FZD3: variants seen among roughly 807,000 people sequenced by gnomAD.
FZD3 encodes frizzled-3.
In FZD3, 30 loss-of-function variants were observed where a neutral mutation model predicts 60.7. That is an observed-to-expected ratio of 0.49 (90% CI 0.37 to 0.67). The LOEUF (loss-of-function observed/expected upper bound fraction) is 0.67. Ranked by LOEUF, FZD3 falls within the 30% of genes least tolerant of loss-of-function variation. FZD3 has a pLI of 0.00. For synonymous variants in FZD3, 246 were observed against 275.2 expected (o/e 0.89, Z 1.05); for missense variants, 605 against 838.7 (o/e 0.72, Z 3.44).
At chr8:28,533,754 A>G (rs1490477521) in intron 5 of FZD3, among the ~76,000 whole-genome samples, 10 of 152,192 alleles carry the variant, frequency 6.6e-5, no homozygotes. Context: ...GATACGTTTT[A>G]AAAATTCCCT....
rs528523976 is a variant in FZD3 at position 28,530,917 on chromosome 8, A to G, written c.1404+2753A>G. The stretch of plus-strand genomic sequence containing the variant: ...GCATTTATTTTAATACTGCAACTCT[A>G]TTTTTTAAAATGTTTCCTTTTACTA... On this transcript the variant is annotated intron_variant, in intron 5 of 7. Coordinates refer to ENST00000240093, the MANE Select transcript of FZD3 (RefSeq NM_017412.4). Among the ~76,000 whole-genome samples, 286 of 152,008 alleles carry G rather than the reference A, an allele frequency of 1.9e-3. 1 individual carries two copies. The highest frequency in any genetic ancestry group is 3.1e-3 in the Non-Finnish European group (211 of 67,788).
chr8:28,539,125 G>A (rs1805096067), intron 5 of FZD3, among the ~76,000 whole-genome samples: 1 of 152,162 alleles, frequency 6.6e-6, no homozygotes, highest in Non-Finnish European at 1.5e-5. Context: ...CGATGGACCA[G>A]TATAGGTCCA....
At chr8:28,500,261 A>C (rs921021430) in intron 2 of FZD3, among the ~76,000 whole-genome samples, 1 of 152,244 alleles carries the variant, frequency 6.6e-6, no homozygotes, top group African/African-American at 2.4e-5. Flanking sequence ...TTTGAATGTC[A>C]TAGTACATAA....
chr8:28,528,480 A>T (rs1023761384), intron 5 of FZD3, among the ~76,000 whole-genome samples: 1 of 151,906 alleles, frequency 6.6e-6, no homozygotes, highest in Admixed American at 6.6e-5. Context: ...GTTTATAAAA[A>T]TTTGCTTTTT....
chr8:28,530,143 TG>T (rs1047745785), intron 5 of FZD3, among the ~76,000 whole-genome samples: 4 of 96,402 alleles, frequency 4.1e-5, no homozygotes, highest in African/African-American at 1.1e-4. Context: ...GTGTGTGTGT[TG>T]GGGGGGATTA....
intron 5 of FZD3, among the ~76,000 whole-genome samples, chr8:28,534,222 G>A (rs189769115): frequency 1.8e-4 from 28 of 152,130 alleles, no homozygotes; most frequent in Non-Finnish European, 3.7e-4. Flanking sequence ...TTTTATAGAC[G>A]CACACACACA....
chr8:28,506,583 G>A (rs1178563632), intron 3 of FZD3, among the ~76,000 whole-genome samples: 1 of 152,030 alleles, frequency 6.6e-6, no homozygotes, highest in African/African-American at 2.4e-5. Flanking sequence ...AGGAAAGTAG[G>A]CCTCTCTATA....
chr8:28,534,193 C>T (rs1170464899), intron 5 of FZD3, among the ~76,000 whole-genome samples: 2 of 152,100 alleles, frequency 1.3e-5, no homozygotes, highest in African/African-American at 2.4e-5. Context: ...AGACCAGCGA[C>T]CTGTTTTTTT....
chr8:28,510,231 A>G (rs1183045353), intron 3 of FZD3, among the ~76,000 whole-genome samples: 5 of 152,020 alleles, frequency 3.3e-5, no homozygotes, highest in South Asian at 2.1e-4. Flanking sequence ...GTATTATTCA[A>G]TGTCTGTTGA....
intron 4 of FZD3, among the ~76,000 whole-genome samples, chr8:28,523,623 G>A (rs1804641606): frequency 6.6e-6 from 1 of 151,840 alleles, no homozygotes; most frequent in African/African-American, 2.4e-5. Flanking sequence ...AATTTGTAGA[G>A]ATGGGGTCTT....
intron 4 of FZD3, among the ~76,000 whole-genome samples, chr8:28,521,914 G>A (rs1488525173): frequency 2.0e-5 from 3 of 151,964 alleles, no homozygotes; most frequent in African/African-American, 7.3e-5. Context: ...AATTTTGTTT[G>A]TTATCTGGTA....
chr8:28,500,078 A>G (rs1423685548), intron 2 of FZD3, 100 bp downstream of exon 2: 1 of 152,136 alleles, frequency 6.6e-6, no homozygotes, highest in African/African-American at 2.4e-5. Context: ...TTTTGGGGGA[A>G]ATGAAAATTC....
At position 28,525,300 on chromosome 8, in the gene FZD3, A is replaced by C. The variant is rs115968064; in HGVS notation, c.387-1847A>C. Among the ~76,000 whole-genome samples the C allele has an allele frequency of 1.9e-3, 288 of 152,378 alleles. 2 individuals are homozygous for C. Among genetic ancestry groups the C allele is most frequent in the African/African-American group, 6.6e-3 (276 of 41,592 alleles). ...TGGTGGTAAATAAATAGACAATGTCAGATGAAAATGAATGCTAATAAGAAC... is the reference window on the plus strand; with the variant it reads ...TGGTGGTAAATAAATAGACAATGTCCGATGAAAATGAATGCTAATAAGAAC... On this transcript the variant is annotated intron_variant, in intron 4 of 7. Coordinates refer to ENST00000240093, the MANE Select transcript of FZD3 (RefSeq NM_017412.4).
chr8:28,560,401 T>C (rs1408479687), intron 7 of FZD3, among the ~76,000 whole-genome samples: 1 of 152,192 alleles, frequency 6.6e-6, no homozygotes, highest in South Asian at 2.1e-4. Context: ...AAACAGTATA[T>C]TTAAATTTAT....
chr8:28,523,783 A>T (rs1804645822), intron 4 of FZD3, among the ~76,000 whole-genome samples: 2 of 152,004 alleles, frequency 1.3e-5, no homozygotes, highest in African/African-American at 4.8e-5. Flanking sequence ...AGGTCCCCCA[A>T]AGTTCATGTA....
At chr8:28,495,481 A>G (rs976072303) in intron 1 of FZD3, among the ~76,000 whole-genome samples, 2 of 152,208 alleles carry the variant, frequency 1.3e-5, no homozygotes, top group Non-Finnish European at 2.9e-5. Context: ...TGTAAAGCCA[A>G]TATGATATGA....
intron 7 of FZD3, among the ~76,000 whole-genome samples, chr8:28,562,250 G>A (rs934007439): frequency 9.2e-5 from 14 of 152,142 alleles, no homozygotes; most frequent in Admixed American, 6.5e-5. Flanking sequence ...TGTTAACTGG[G>A]CTATCTGGAA....
At chr8:28,504,969 G>A (rs1218025741) in intron 3 of FZD3, 3 of 152,632 alleles carry the variant, frequency 2.0e-5, no homozygotes. Flanking sequence ...GCACCTAAGT[G>A]AGTAATAGTT....
intron 1 of FZD3, among the ~76,000 whole-genome samples, chr8:28,496,203 G>A (rs1803838840): frequency 6.6e-6 from 1 of 152,220 alleles, no homozygotes; most frequent in Non-Finnish European, 1.5e-5. Flanking sequence ...TGGGGAAGGA[G>A]AGAGGAGTTT....
Sources: gnomAD v4.1 joint callset for allele counts (sites outside exome capture counted in the v4.1 genomes callset) on GRCh38, gnomAD v4.1.1 for gene constraint, MANE v1.5 for transcripts, NCBI Gene and HGNC (gene_info 2026-07-23, HGNC 2026-07-21) for gene names.